The following PLAA variants were observed in gnomAD, a reference collection of about 807,000 sequenced individuals.
PLAA encodes phospholipase A2 activating protein, also known as phospholipase A-2-activating protein.
A neutral mutation model predicts 84.1 loss-of-function variants in PLAA; 48 were observed. The observed-to-expected ratio is 0.57, with a 90% CI of 0.45 to 0.73. The LOEUF (loss-of-function observed/expected upper bound fraction) is 0.73, where lower values mean the gene tolerates loss of function less well. Among genes scored for constraint, PLAA ranks in the 30% least tolerant of loss-of-function variants. The pLI is 0.00. For missense variants in PLAA, 903 were observed against 954.7 expected (o/e 0.95, Z 0.71); for synonymous variants, 392 against 336.6 (o/e 1.16, Z -1.80).
chr9:26,916,375 G>A, intron 10 of PLAA: 3 of 986,948 alleles, frequency 3.0e-6, no homozygotes, highest in Non-Finnish European at 3.6e-6. Context: ...GACTTCTTCA[G>A]CTGCCTTAAA....
intron 1 of PLAA, among the ~76,000 whole-genome samples, chr9:26,944,220 C>T (rs753079009): frequency 5.3e-5 from 8 of 152,166 alleles, no homozygotes; most frequent in Non-Finnish European, 1.2e-4. Flanking sequence ...GATGATACAG[C>T]AGCAAAGAGG....
At chr9:26,933,788 C>CAA (rs199939902) in intron 2 of PLAA, among the ~76,000 whole-genome samples, 1,408 of 87,884 alleles carry the variant, frequency 0.016, 13 homozygotes, top group South Asian at 0.024. Context: ...GACTCTGCCT[C>CAA]AAAAAAAAAA....
chr9:26,928,444 T>A, intron 2 of PLAA, 36 bp from the exon 3 acceptor site: 1 of 1,343,328 alleles, frequency 7.4e-7, no homozygotes, highest in Non-Finnish European at 1.1e-6. Flanking sequence ...CACATTTTCA[T>A]ACAGAAAAAT....
chr9:26,917,250 T>C (rs1824593259), intron 9 of PLAA, 85 bp from the exon 10 acceptor site: 2 of 1,054,234 alleles, frequency 1.9e-6, no homozygotes, highest in Middle Eastern at 2.1e-4. Flanking sequence ...TAGAAGAACC[T>C]ACATTTGGAG....
At chr9:26,916,776 T>A in intron 10 of PLAA, 1 of 652,140 alleles carries the variant, frequency 1.5e-6, no homozygotes, top group Non-Finnish European at 1.9e-6. Context: ...AGCAAGTAAG[T>A]GGTAGAGCCC....
At chr9:26,937,325 A>C (rs894810165) in intron 1 of PLAA, among the ~76,000 whole-genome samples, 1 of 152,188 alleles carries the variant, frequency 6.6e-6, no homozygotes, top group African/African-American at 2.4e-5. Flanking sequence ...CTAAGTTTAC[A>C]TCTTAGCCCG....
intron 10 of PLAA, 141 bp from the exon 11 acceptor site, chr9:26,914,088 C>T (rs1824481046): frequency 1.2e-5 from 7 of 598,960 alleles, no homozygotes; most frequent in Admixed American, 2.8e-5. Flanking sequence ...AAATTTAATA[C>T]AGAAAAGTGC....
chr9:26,906,082 A>T lies in PLAA; in HGVS notation c.1823-6T>A, dbSNP rs757349164. ...AAGTGCAGGAAAGACAATATCTATT[A>T]AAAAAAAAAAGTCATTAATGCTTAT... On this transcript the variant is annotated splice_polypyrimidine_tract_variant and splice_region_variant and intron_variant, in intron 13 of 13. Coordinates refer to ENST00000397292, the MANE Select transcript of PLAA (RefSeq NM_001031689.3). 10 of 887,668 alleles carry T rather than the reference A, an allele frequency of 1.1e-5. No individual in the cohort carries two copies. The highest frequency in any genetic ancestry group is 7.8e-5 in the East Asian group (2 of 25,580). 55.0% of individuals were successfully genotyped at this position (887,668 alleles called of 1,614,324 possible).
chr9:26,916,264 C>T (rs926219226), intron 10 of PLAA: 19 of 985,214 alleles, frequency 1.9e-5, no homozygotes, highest in African/African-American at 5.2e-5. Context: ...GATACCTAAA[C>T]GCTATGATCT....
intron 4 of PLAA, among the ~76,000 whole-genome samples, chr9:26,927,144 G>A (rs1463639733): frequency 1.3e-5 from 1 of 77,542 alleles, no homozygotes; most frequent in African/African-American, 7.6e-5. Context: ...TTTTTGAGAT[G>A]GAGTCTCACT....
chr9:26,941,356 C>A (rs534710433), intron 1 of PLAA, among the ~76,000 whole-genome samples: 10 of 152,134 alleles, frequency 6.6e-5, no homozygotes, highest in African/African-American at 2.4e-4. Context: ...GAGCCCAAGA[C>A]CACCAAAAGA....
chr9:26,912,753 CA>C (rs1157869544), intron 11 of PLAA, among the ~76,000 whole-genome samples: 1 of 152,044 alleles, frequency 6.6e-6, no homozygotes, highest in Non-Finnish European at 1.5e-5. Flanking sequence ...ATGAGAAAAA[CA>C]AAAGCACAGA....
intron 2 of PLAA, among the ~76,000 whole-genome samples, chr9:26,933,103 A>G (rs1233876349): frequency 6.6e-6 from 1 of 152,140 alleles, no homozygotes; most frequent in African/African-American, 2.4e-5. Flanking sequence ...CCCTGTCTCT[A>G]CTAAAAATAC....
At chr9:26,913,794 GAC>G in intron 11 of PLAA, 83 bp downstream of exon 11, 1 of 951,938 alleles carries the variant, frequency 1.1e-6, no homozygotes, top group South Asian at 1.6e-5. Context: ...GCAAGAAAAT[GAC>G]ACAAATTTTC....
intron 2 of PLAA, among the ~76,000 whole-genome samples, chr9:26,933,372 T>C (rs2152606): frequency 0.43 from 65,810 of 151,406 alleles, 14,646 homozygotes; most frequent in South Asian, 0.62. Flanking sequence ...GAGGCAGTCC[T>C]GGCAGAGGCT....
chr9:26,938,984 T>A (rs193263541), intron 1 of PLAA, among the ~76,000 whole-genome samples: 50 of 152,348 alleles, frequency 3.3e-4, no homozygotes, highest in Admixed American at 2.3e-3. Flanking sequence ...TGAAGTTAAA[T>A]GTATACATTC....
At chr9:26,931,879 G>C (rs1324082833) in intron 2 of PLAA, among the ~76,000 whole-genome samples, 1 of 152,138 alleles carries the variant, frequency 6.6e-6, no homozygotes, top group Non-Finnish European at 1.5e-5. Context: ...GAGGTCAGGA[G>C]TTTGAGACCA....
chr9:26,906,201 T>C, intron 13 of PLAA, 125 bp from the exon 14 acceptor site: 1 of 573,158 alleles, frequency 1.7e-6, no homozygotes, highest in Non-Finnish European at 2.8e-6. Context: ...AAAAATCATG[T>C]GTCTGCTTTA....
chr9:26,920,521 A>G, intron 7 of PLAA, 137 bp from the exon 8 acceptor site: 1 of 544,428 alleles, frequency 1.8e-6, no homozygotes, highest in South Asian at 3.8e-5. Context: ...TGTATCAAAT[A>G]AAAGATTTAA....
Sources: allele counts gnomAD v4.1 joint callset (sites outside exome capture counted in the v4.1 genomes callset), GRCh38; gene constraint gnomAD v4.1.1; transcripts MANE v1.5; gene names NCBI Gene and HGNC (gene_info 2026-07-23, HGNC 2026-07-21).